Variants in ALPK3 observed in about 807,000 individuals in gnomAD.
ALPK3 encodes alpha kinase 3.
ALPK3 carries 102 observed loss-of-function variants against 140.0 expected under a neutral mutation model. The observed-to-expected ratio is 0.73, with a 90% CI of 0.62 to 0.86. The LOEUF (loss-of-function observed/expected upper bound fraction) is 0.86. Among genes scored for constraint, ALPK3 ranks in the 40% least tolerant of loss-of-function variants. The pLI, the probability that ALPK3 is intolerant of heterozygous loss-of-function variation, is 0.00. For synonymous variants in ALPK3, 938 were observed against 898.5 expected (o/e 1.04, Z -0.79); for missense variants, 2,254 against 2,208.2 (o/e 1.02, Z -0.42).
At chr15:84,823,910 C>T (rs961632779) in intron 2 of ALPK3, among the ~76,000 whole-genome samples, 1 of 152,018 alleles carries the variant, frequency 6.6e-6, no homozygotes, top group Admixed American at 6.5e-5. Flanking sequence ...GACAGAGTCT[C>T]ACTGTGTTCC....
Position 84,868,211 on chromosome 15 carries a change from C to G in ALPK3, c.4873C>G (p.Leu1625Val), listed in dbSNP as rs754389623. Residue 1625 changes from leucine (L) to valine (V), a missense_variant, in exon 14 of 14, where the codon CTC becomes GTC. Transcript: ENST00000258888. ...CTGTGAGCTGCTGGGGCTGACACCT[C>G]TCAAGGGCCCGGAGGCGGCCCACCC... ...AYCELLGLTP[L>V]KGPEAAHPQA... 8.7e-6 allele frequency: 14 copies of G among 1,614,206 alleles called. 1 individual carries two copies. In the South Asian group the frequency reaches 1.5e-4, roughly 18 times the overall value.
Position 84,862,755 on chromosome 15 carries a change from G to C in ALPK3, c.4250G>C (p.Gly1417Ala). ...GAGGAGCTCCGAGGGGGTGGATATG[G>C]GTGTGGCCTTCGGAAGGCCTCCCAG... ...VSEELRGGGY[G>A]CGLRKASQAK... Residue 1417 changes from glycine to alanine, a missense_variant, in exon 10 of 14, where the codon GGG becomes GCG. By Grantham distance (60) the Gly-to-Ala change is moderately conservative. Transcript: ENST00000258888. The C allele has an allele frequency of 6.2e-7, 1 of 1,614,146 alleles. No homozygotes were observed. The highest frequency in any genetic ancestry group is 8.5e-7 in the Non-Finnish European group (1 of 1,180,022).
Position 84,868,194 on chromosome 15 carries a change from T to A in ALPK3, c.4856T>A (p.Leu1619Gln). The A allele has an allele frequency of 6.2e-7, 1 of 1,614,176 alleles. No individual in the cohort carries two copies. The highest frequency in any genetic ancestry group is 8.5e-7 in the Non-Finnish European group (1 of 1,180,016). ...SSHQCNAYCE[L>Q]LGLTPLKGPE... Reference sequence around the variant, plus strand: ...CACCAGTGCAATGCCTACTGTGAGCTGCTGGGGCTGACACCTCTCAAGGGC... The same window carrying A: ...CACCAGTGCAATGCCTACTGTGAGCAGCTGGGGCTGACACCTCTCAAGGGC... Residue 1619 changes from leucine to glutamine, a missense_variant, in exon 14 of 14, where the codon CTG becomes CAG. This residue lies in a region of ALPK3 where 158 missense variants were observed against 159.8 expected (regional missense o/e 0.99). Coordinates refer to ENST00000258888, the MANE Select transcript of ALPK3 (RefSeq NM_020778.5).
intron 7 of ALPK3, 35 bp downstream of exon 7, chr15:84,859,425 T>C: frequency 2.5e-6 from 4 of 1,611,982 alleles, no homozygotes; most frequent in Non-Finnish European, 3.4e-6. Flanking sequence ...CTGACCTGGC[T>C]CCCTGATTGC....
At chr15:84,822,612 T>C (rs968818112) in intron 1 of ALPK3, among the ~76,000 whole-genome samples, 3 of 152,108 alleles carry the variant, frequency 2.0e-5, no homozygotes, top group African/African-American at 4.8e-5. Flanking sequence ...AGTTGGCTCA[T>C]AGTAAGTGGG....
At chr15:84,825,987 A>G (rs6496443) in intron 2 of ALPK3, among the ~76,000 whole-genome samples, 128,398 of 152,086 alleles carry the variant, frequency 0.84, 54,617 homozygotes, top group African/African-American at 0.95. Flanking sequence ...CTGCAGACCC[A>G]GCTCAAATGT....
chr15:84,850,813 T>C (rs1963793119), intron 5 of ALPK3, among the ~76,000 whole-genome samples: 1 of 151,894 alleles, frequency 6.6e-6, no homozygotes, highest in Admixed American at 6.6e-5. Context: ...TTCATTCTGC[T>C]CACACCATTT....
intron 12 of ALPK3, among the ~76,000 whole-genome samples, 185 bp downstream of exon 12, chr15:84,864,850 A>G (rs997790639): frequency 2.6e-5 from 4 of 152,134 alleles, no homozygotes; most frequent in African/African-American, 9.7e-5. Context: ...CCTAATACAT[A>G]CCTCATGTAG....
intron 3 of ALPK3, among the ~76,000 whole-genome samples, chr15:84,832,537 C>T (rs1203542405): frequency 2.0e-5 from 3 of 152,184 alleles, no homozygotes; most frequent in Non-Finnish European, 4.4e-5. Context: ...GGGGCTTGCC[C>T]TCTGGGAGGT....
rs368549774 is a variant in ALPK3, at chr15:84,857,189, A to G, written c.2451A>G (p.Arg817=). The G allele has an allele frequency of 2.5e-4, 406 of 1,613,520 alleles. 1 individual carries two copies. The highest frequency in any genetic ancestry group is 3.3e-4 in the Non-Finnish European group (395 of 1,179,816). The change falls in exon 6 of 14, where the codon AGA becomes AGG. Residue 817 remains arginine, a synonymous_variant. Coordinates refer to ENST00000258888, the MANE Select transcript of ALPK3 (RefSeq NM_020778.5). ...EGSVEQVGGE[R]CRGPQSSGPV... The stretch of plus-strand genomic sequence containing the variant: ...GTGTGGAGCAGGTGGGAGGAGAGAG[A>G]TGCCGAGGGCCACAGTCATCAGGCC...
At chr15:84,859,155 C>CA (rs1963906613) in intron 6 of ALPK3, 88 bp from the exon 7 acceptor site, 1 of 1,555,104 alleles carries the variant, frequency 6.4e-7, no homozygotes, top group African/African-American at 1.4e-5. Context: ...TGTTTTCTCC[C>CA]AGCCTTTTCC....
Position 84,840,122 on chromosome 15 carries a change from C to T in ALPK3, c.843C>T (p.Ala281=). The T allele has an allele frequency of 6.2e-7, 1 of 1,614,100 alleles. No homozygotes were observed. Among genetic ancestry groups the T allele is most frequent in the African/African-American group, 1.3e-5 (1 of 75,022 alleles). Residue 281 remains alanine, a synonymous_variant, in exon 5 of 14, where the codon GCC becomes GCT. Transcript: ENST00000258888. ...SGEVTTNGEA[A]PENGEDGEHG... ...AAGTGACCACCAACGGGGAGGCTGC[C>T]CCCGAGAATGGAGAGGACGGAGAGC...
Position 84,839,035 on chromosome 15 carries a change from C to T in ALPK3, c.360C>T (p.Tyr120=). The T allele has an allele frequency of 1.2e-6, 2 of 1,613,666 alleles. No individual in the cohort carries two copies. The highest frequency in any genetic ancestry group is 1.1e-5 in the South Asian group (1 of 90,954). Residue 120 remains tyrosine, a synonymous_variant, in exon 4 of 14, where the codon TAC becomes TAT. Coordinates refer to ENST00000258888, the MANE Select transcript of ALPK3 (RefSeq NM_020778.5). ...WYKDDTELDR[Y]CGLPKYEITH... ...AGGATGATACGGAGCTGGACCGCTACTGTGGCTTGCCAAAATATGAGATCA... is the reference window on the plus strand; with the variant it reads ...AGGATGATACGGAGCTGGACCGCTATTGTGGCTTGCCAAAATATGAGATCA...
chr15:84,836,011 T>C (rs1963593629), intron 3 of ALPK3, among the ~76,000 whole-genome samples: 1 of 152,196 alleles, frequency 6.6e-6, no homozygotes, highest in South Asian at 2.1e-4. Context: ...GTGTATAATA[T>C]GTCAGGTAGC....
chr15:84,858,408 C>T lies in ALPK3; in HGVS notation c.3670C>T (p.Leu1224=). The change falls in exon 6 of 14, where the codon CTG becomes TTG. Residue 1224 remains leucine, a synonymous_variant. Coordinates refer to ENST00000258888, the MANE Select transcript of ALPK3 (RefSeq NM_020778.5). The stretch of plus-strand genomic sequence containing the variant: ...TACGCAGGGCAGAAAGGCGAGCATG[C>T]TGGAGGTGCCTCGGGCAGAGGAGGA... ...SPTQGRKASM[L]EVPRAEEELA... is the part of the protein sequence containing the mutation. 6.4e-7 allele frequency: 1 copy of T among 1,557,208 alleles called. No individual in the cohort carries two copies. The highest frequency in any genetic ancestry group is 1.2e-5 in the South Asian group (1 of 84,924).
intron 12 of ALPK3, among the ~76,000 whole-genome samples, chr15:84,866,492 A>C (rs1402712807): frequency 1.3e-5 from 2 of 152,236 alleles, no homozygotes; most frequent in African/African-American, 4.8e-5. Flanking sequence ...GATGGTACTC[A>C]GCCCTGTTAG....
intron 5 of ALPK3, among the ~76,000 whole-genome samples, chr15:84,850,965 A>G (rs1256276686): frequency 1.3e-5 from 2 of 152,100 alleles, no homozygotes; most frequent in Non-Finnish European, 2.9e-5. Context: ...AGAAGTGTAC[A>G]GAGAATATTC....
chr15:84,846,382 C>G (rs1963731589), intron 5 of ALPK3, among the ~76,000 whole-genome samples: 1 of 152,222 alleles, frequency 6.6e-6, no homozygotes, highest in Non-Finnish European at 1.5e-5. Flanking sequence ...TTAGAATCAT[C>G]TGACTTTAAA....
chr15:84,867,286 G>C (rs1449921544), intron 12 of ALPK3, 31 bp from the exon 13 acceptor site: 2 of 1,612,996 alleles, frequency 1.2e-6, no homozygotes, highest in Non-Finnish European at 1.7e-6. Context: ...AGCCCAGACT[G>C]GCATCAACTC....
Sources: allele counts gnomAD v4.1 joint callset (sites outside exome capture counted in the v4.1 genomes callset), GRCh38; gene constraint gnomAD v4.1.1; regional missense constraint gnomAD v4.1.1; transcripts MANE v1.5; gene names NCBI Gene and HGNC (gene_info 2026-07-23, HGNC 2026-07-21).